Variants in SNX13 observed in about 807,000 individuals in gnomAD.
The protein encoded by SNX13 is sorting nexin 13.
In SNX13, 45 loss-of-function variants were observed where a neutral mutation model predicts 133.6. The ratio of observed to expected loss-of-function variants is 0.34; its 90% CI spans 0.27 to 0.43. SNX13 has a LOEUF of 0.43. Ranked by LOEUF, SNX13 falls within the 20% of genes least tolerant of loss-of-function variation. The pLI is 1.00. For synonymous variants in SNX13, 414 were observed against 373.9 expected, an observed-to-expected ratio of 1.11 and a Z score of -1.24; for missense variants, 1,032 against 1,145.1, an observed-to-expected ratio of 0.90 and a Z score of 1.43.
chr7:17,902,142 T>G, intron 1 of SNX13, among the ~76,000 whole-genome samples: 1 of 151,698 alleles, frequency 6.6e-6, no homozygotes, highest in East Asian at 1.9e-4. Flanking sequence ...CAAAATCACC[T>G]AAACCAAAGT....
intron 2 of SNX13, among the ~76,000 whole-genome samples, chr7:17,894,617 C>G (rs1349293107): frequency 6.6e-6 from 1 of 152,018 alleles, no homozygotes. Context: ...TGATTTAGAA[C>G]TACTTCACTC....
chr7:17,828,321 G>C (rs924975257), intron 16 of SNX13, among the ~76,000 whole-genome samples: 5 of 151,612 alleles, frequency 3.3e-5, no homozygotes, highest in Non-Finnish European at 7.4e-5. Context: ...ATGCTATATT[G>C]AAATAAGCAC....
chr7:17,913,075 G>C (rs1229034118), intron 1 of SNX13, among the ~76,000 whole-genome samples: 3 of 152,200 alleles, frequency 2.0e-5, no homozygotes, highest in Admixed American at 1.3e-4. Context: ...TGTCTCACTA[G>C]TTCTGAGGAG....
intron 13 of SNX13, among the ~76,000 whole-genome samples, chr7:17,836,232 T>A (rs1562731928): frequency 6.6e-6 from 1 of 151,972 alleles, no homozygotes; most frequent in Non-Finnish European, 1.5e-5. Flanking sequence ...ATAATACTTA[T>A]ATGGCCAGGC....
intron 14 of SNX13, 50 bp downstream of exon 14, chr7:17,834,711 G>C (rs775004688): frequency 2.4e-6 from 3 of 1,254,910 alleles, no homozygotes; most frequent in East Asian, 5.1e-5. Flanking sequence ...TTACATAAAA[G>C]TATTTTTTCT....
intron 1 of SNX13, among the ~76,000 whole-genome samples, chr7:17,923,697 T>C (rs1370549794): frequency 1.3e-5 from 2 of 151,952 alleles, no homozygotes; most frequent in Non-Finnish European, 2.9e-5. Context: ...GAGAAACAAA[T>C]ACTAGTTTCT....
chr7:17,894,017 A>T (rs964676264), intron 2 of SNX13, among the ~76,000 whole-genome samples: 1 of 151,350 alleles, frequency 6.6e-6, no homozygotes, highest in Non-Finnish European at 1.5e-5. Flanking sequence ...TTAAAAAAAA[A>T]TCAGGCTGAG....
intron 22 of SNX13, among the ~76,000 whole-genome samples, chr7:17,800,765 C>G (rs1283688446): frequency 2.0e-5 from 3 of 151,416 alleles, no homozygotes; most frequent in Non-Finnish European, 4.4e-5. Context: ...AAGGTCTTGA[C>G]AGACGCATAA....
At chr7:17,915,675 C>T (rs1003749513) in intron 1 of SNX13, among the ~76,000 whole-genome samples, 1 of 152,114 alleles carries the variant, frequency 6.6e-6, no homozygotes, top group Non-Finnish European at 1.5e-5. Flanking sequence ...AACTACCACA[C>T]CTAAAACAAG....
At chr7:17,895,124 A>C (rs1007593372) in intron 2 of SNX13, among the ~76,000 whole-genome samples, 1 of 152,216 alleles carries the variant, frequency 6.6e-6, no homozygotes, top group African/African-American at 2.4e-5. Flanking sequence ...TATTAAAAAC[A>C]TCATCAAGAA....
intron 1 of SNX13, among the ~76,000 whole-genome samples, chr7:17,935,048 T>C (rs1485595799): frequency 6.6e-6 from 1 of 152,190 alleles, no homozygotes; most frequent in Non-Finnish European, 1.5e-5. Flanking sequence ...GAACTCAATA[T>C]GTTGAAAGGA....
chr7:17,811,464 A>G (rs1179367885), intron 20 of SNX13, among the ~76,000 whole-genome samples: 1 of 152,224 alleles, frequency 6.6e-6, no homozygotes, highest in Non-Finnish European at 1.5e-5. Context: ...ATCTTTAAGG[A>G]GAACTACAAA....
chr7:17,934,064 A>G (rs1238739673), intron 1 of SNX13, among the ~76,000 whole-genome samples: 1 of 152,194 alleles, frequency 6.6e-6, no homozygotes, highest in Non-Finnish European at 1.5e-5. Flanking sequence ...CCATATGTAT[A>G]ATTTGTTGAT....
In SNX13 at chr7:17,834,620, C is replaced by G; in HGVS notation, c.1464+141G>C. On this transcript the variant is annotated intron_variant, in intron 14 of 25. Coordinates refer to ENST00000428135, the MANE Select transcript of SNX13 (RefSeq NM_015132.5). ...TAAACAAAAATACTGGTTTACATTT[C>G]TGGAATTGAGAAGTATAATTGCCAT... The G allele has an allele frequency of 6.2e-6, 3 of 481,968 alleles. No individual in the cohort carries two copies. In the South Asian group the frequency reaches 1.4e-4, roughly 22 times the overall value. The allele number at this position is 481,968 out of a possible 1,614,324, so 29.9% of individuals were successfully genotyped here. A position where few individuals can be genotyped will look rare whatever the true frequency, so the allele number is the denominator to read the frequency against.
At chr7:17,854,317 A>G (rs1381119784) in intron 9 of SNX13, among the ~76,000 whole-genome samples, 1 of 152,254 alleles carries the variant, frequency 6.6e-6, no homozygotes, top group East Asian at 1.9e-4. Flanking sequence ...ATGACAACTT[A>G]AAGAGGACAC....
At chr7:17,822,440 T>C (rs1335254049) in intron 17 of SNX13, among the ~76,000 whole-genome samples, 1 of 152,172 alleles carries the variant, frequency 6.6e-6, no homozygotes, top group Non-Finnish European at 1.5e-5. Context: ...TATTTCTTAA[T>C]CCATTCTCTG....
rs1484207345 is a variant in SNX13 at position 17,794,256 on chromosome 7, C to T, written c.2663G>A (p.Arg888Gln). ...LKHIIGAETT[R>Q]KGILRVFEMF... ...TTCAAAAACACGAAGAATACCTTTCCGTGTTGTCTCAGCCCCAATAATGTG... is the reference window on the plus strand; with the variant it reads ...TTCAAAAACACGAAGAATACCTTTCTGTGTTGTCTCAGCCCCAATAATGTG... Residue 888 changes from arginine to glutamine, a missense_variant, in exon 26 of 26, where the codon CGG becomes CAG. By Grantham distance (43) the Arg-to-Gln change is conservative (BLOSUM62 1). Transcript: ENST00000428135. 1 of 1,611,308 alleles carries T rather than the reference C, an allele frequency of 6.2e-7. No individual in the cohort carries two copies. The highest frequency in any genetic ancestry group is 8.5e-7 in the Non-Finnish European group (1 of 1,178,332).
chr7:17,816,309 C>A lies in SNX13; in HGVS notation c.1846-20G>T. 6.6e-7 allele frequency: 1 copy of A among 1,522,678 alleles called. No homozygotes were observed. Among genetic ancestry groups the A allele is most frequent in the East Asian group, 2.5e-5 (1 of 40,426 alleles). The allele number at this position is 1,522,678 out of a possible 1,614,324, so 94.3% of individuals were successfully genotyped here. A position where few individuals can be genotyped will look rare whatever the true frequency, so the allele number is the denominator to read the frequency against. On this transcript the variant is annotated intron_variant, in intron 18 of 25. Coordinates refer to ENST00000428135, the MANE Select transcript of SNX13 (RefSeq NM_015132.5). ...TTCAAACTGTAAGACAAAATACATT[C>A]AATAGCACTTTTTATAAAGACAAAA...
Position 17,865,283 on chromosome 7 carries a change from A to T in SNX13, c.837+3124T>A, listed in dbSNP as rs188469814. 1.2e-4 allele frequency among the ~76,000 whole-genome samples: 19 copies of T among 152,346 alleles called. No individual in the cohort carries two copies. In the East Asian group the frequency reaches 3.5e-3, roughly 28 times the overall value. ...CACAAGTCAACAAAAAATAACTGAT[A>T]AACAAATTTAGTAAAGCTTCAAGAT... On this transcript the variant is annotated intron_variant, in intron 9 of 25. Transcript: ENST00000428135.
Sources: gnomAD v4.1 joint callset for allele counts (sites outside exome capture counted in the v4.1 genomes callset) on GRCh38, gnomAD v4.1.1 for gene constraint, MANE v1.5 for transcripts, NCBI Gene and HGNC (gene_info 2026-07-23, HGNC 2026-07-21) for gene names.